CACNA2D3: variants seen among roughly 807,000 people sequenced by gnomAD.
The protein encoded by CACNA2D3 is calcium voltage-gated channel auxiliary subunit alpha2delta 3.
Under a neutral mutation model 160.6 loss-of-function variants are expected in CACNA2D3, and 60 were observed. The observed-to-expected ratio is 0.37, with a 90% CI of 0.30 to 0.46. The LOEUF (loss-of-function observed/expected upper bound fraction) is 0.46, where lower values mean the gene tolerates loss of function less well. Among genes scored for constraint, CACNA2D3 ranks in the 20% least tolerant of loss-of-function variants. CACNA2D3 has a pLI of 1.00. For synonymous variants in CACNA2D3, 558 were observed against 492.9 expected, an observed-to-expected ratio of 1.13 and a Z score of -1.75; for missense variants, 1,205 against 1,365.0, an observed-to-expected ratio of 0.88 and a Z score of 1.85.
chr3:54,193,922 TGA>T (rs775788875), intron 2 of CACNA2D3, among the ~76,000 whole-genome samples: 1 of 152,196 alleles, frequency 6.6e-6, no homozygotes, highest in African/African-American at 2.4e-5. Context: ...ACTGGGATGT[TGA>T]GAGCTCAGGG....
Position 54,978,482 on chromosome 3 carries a change from C to T in CACNA2D3, c.2557-6126C>T, listed in dbSNP as rs116253547. ...GTATGGCAAGGGCCGTTCATGACTC[C>T]GAGTTCTGACAAAAGATGATATCTA... On this transcript the variant is annotated intron_variant, in intron 29 of 37. Coordinates refer to ENST00000474759, the MANE Select transcript of CACNA2D3 (RefSeq NM_018398.3). Among the ~76,000 whole-genome samples the T allele has an allele frequency of 5.4e-3, 824 of 152,238 alleles. 7 individuals are homozygous for T. Among genetic ancestry groups the T allele is most frequent in the African/African-American group, 0.019 (791 of 41,532 alleles).
chr3:54,802,004 T>A (rs186848156), intron 13 of CACNA2D3, among the ~76,000 whole-genome samples: 1 of 152,346 alleles, frequency 6.6e-6, no homozygotes. Context: ...AATGAGGACA[T>A]GACTAGTTTT....
chr3:54,979,139 C>A (rs1358983058), intron 29 of CACNA2D3, among the ~76,000 whole-genome samples: 2 of 152,152 alleles, frequency 1.3e-5, no homozygotes, highest in Non-Finnish European at 2.9e-5. Context: ...TGAGTAAATT[C>A]TTCTCCTCTT....
chr3:54,330,210 A>G (rs1034342618), intron 3 of CACNA2D3, among the ~76,000 whole-genome samples: 33 of 146,706 alleles, frequency 2.2e-4, no homozygotes, highest in Middle Eastern at 6.9e-3. Flanking sequence ...TTTAATTGAT[A>G]TGTGTGTGTG....
intron 3 of CACNA2D3, among the ~76,000 whole-genome samples, chr3:54,356,456 A>G (rs147371988): frequency 3.3e-5 from 5 of 152,276 alleles, no homozygotes; most frequent in African/African-American, 1.2e-4. Context: ...TACCTAATGA[A>G]TCTTTATTGG....
chr3:54,947,535 A>G (rs915008580), intron 27 of CACNA2D3, among the ~76,000 whole-genome samples: 1 of 152,194 alleles, frequency 6.6e-6, no homozygotes, highest in Non-Finnish European at 1.5e-5. Context: ...TCTGTGGGTT[A>G]GCAGCATATA....
chr3:54,233,696 C>G (rs557126412), intron 2 of CACNA2D3, among the ~76,000 whole-genome samples: 4 of 152,166 alleles, frequency 2.6e-5, no homozygotes, highest in Admixed American at 2.6e-4. Context: ...GCATTCTAAT[C>G]CAAGGAGGAG....
chr3:54,270,680 A>G (rs1702604053), intron 2 of CACNA2D3, among the ~76,000 whole-genome samples: 1 of 152,186 alleles, frequency 6.6e-6, no homozygotes, highest in African/African-American at 2.4e-5. Flanking sequence ...CACCTAGGTT[A>G]GCTCTTATCT....
At chr3:54,506,619 G>A (rs1252848804) in intron 5 of CACNA2D3, among the ~76,000 whole-genome samples, 1 of 152,178 alleles carries the variant, frequency 6.6e-6, no homozygotes, top group Non-Finnish European at 1.5e-5. Context: ...GGTGATGTGG[G>A]CAAGCTGTGC....
intron 2 of CACNA2D3, among the ~76,000 whole-genome samples, chr3:54,228,973 G>A (rs965427650): frequency 1.2e-4 from 18 of 152,180 alleles, no homozygotes; most frequent in African/African-American, 3.1e-4. Flanking sequence ...CCTCCAGGGC[G>A]CTGGGTATCT....
chr3:54,939,868 T>TG (rs1701422368), intron 27 of CACNA2D3, among the ~76,000 whole-genome samples: 1 of 152,204 alleles, frequency 6.6e-6, no homozygotes, highest in Admixed American at 6.5e-5. Context: ...CCGCTGGCCA[T>TG]GCTTGCTTTA....
intron 4 of CACNA2D3, among the ~76,000 whole-genome samples, chr3:54,443,762 T>A (rs1212588326): frequency 6.6e-6 from 1 of 152,204 alleles, no homozygotes; most frequent in Admixed American, 6.5e-5. Context: ...TGAATGCAGA[T>A]AGAAAAACTT....
chr3:54,152,048 A>G (rs543101074), intron 2 of CACNA2D3, among the ~76,000 whole-genome samples: 3 of 152,334 alleles, frequency 2.0e-5, no homozygotes, highest in African/African-American at 4.8e-5. Context: ...TTATGCTACT[A>G]TGATCCCGGT....
chr3:54,323,335 GAGTCATTATTTGTAGCCT>G (rs1704048546), intron 3 of CACNA2D3, among the ~76,000 whole-genome samples: 1 of 152,182 alleles, frequency 6.6e-6, no homozygotes, highest in African/African-American at 2.4e-5. Context: ...GTTTGCAGTG[GAGTCATTATTTGTAGCCT>G]TGCACTGGAA....
intron 17 of CACNA2D3, among the ~76,000 whole-genome samples, chr3:54,869,273 C>A (rs541920567): frequency 2.6e-5 from 4 of 152,242 alleles, no homozygotes; most frequent in Non-Finnish European, 4.4e-5. Flanking sequence ...ACAAGCTATG[C>A]GATCTTATTT....
intron 4 of CACNA2D3, among the ~76,000 whole-genome samples, chr3:54,442,573 A>G (rs1700161342): frequency 6.6e-6 from 1 of 152,204 alleles, no homozygotes; most frequent in Non-Finnish European, 1.5e-5. Flanking sequence ...TGTTTAAGCC[A>G]TGGTGGGGTG....
chr3:54,981,912 G>A (rs1575420675), intron 29 of CACNA2D3, among the ~76,000 whole-genome samples: 1 of 152,280 alleles, frequency 6.6e-6, no homozygotes, highest in African/African-American at 2.4e-5. Context: ...AGATAAGAAA[G>A]GTAAAGGAGA....
At chr3:54,335,388 C>T (rs570994182) in intron 3 of CACNA2D3, among the ~76,000 whole-genome samples, 4 of 152,282 alleles carry the variant, frequency 2.6e-5, no homozygotes, top group South Asian at 2.1e-4. Context: ...TATTTCTTGA[C>T]GATATGCTAA....
In CACNA2D3 at chr3:54,662,963, T is replaced by A. The variant is rs148046862; in HGVS notation, c.1167+20722T>A. Among the ~76,000 whole-genome samples, 31 of 152,330 alleles carry A rather than the reference T, an allele frequency of 2.0e-4. No homozygotes were observed. The East Asian group carries it at 5.6e-3, about 27-fold the overall frequency. On this transcript the variant is annotated intron_variant, in intron 11 of 37. Coordinates refer to ENST00000474759, the MANE Select transcript of CACNA2D3 (RefSeq NM_018398.3). The stretch of plus-strand genomic sequence containing the variant: ...AAACAGCCTTGCTGATAGTGGCTCC[T>A]TCTCAGTTTTGTGACAGGAACCAAA...
Sources: gnomAD v4.1 joint callset for allele counts (sites outside exome capture counted in the v4.1 genomes callset) on GRCh38, gnomAD v4.1.1 for gene constraint, MANE v1.5 for transcripts, NCBI Gene and HGNC (gene_info 2026-07-23, HGNC 2026-07-21) for gene names.